CSMD2: variants seen among roughly 807,000 people sequenced by gnomAD.
CSMD2 encodes the protein CUB and Sushi multiple domains 2.
Under a neutral mutation model 398.5 loss-of-function variants are expected in CSMD2, and 130 were observed. The ratio of observed to expected loss-of-function variants is 0.33; its 90% CI spans 0.28 to 0.38. CSMD2 has a LOEUF of 0.38. CSMD2 is among the 10% of genes least tolerant of loss of function. The pLI is 1.00. For synonymous variants in CSMD2, 1,828 were observed against 1,908.5 expected, an observed-to-expected ratio of 0.96 and a Z score of 1.10; for missense variants, 3,829 against 4,764.9, an observed-to-expected ratio of 0.80 and a Z score of 5.78.
At position 33,635,978 on chromosome 1, in the gene CSMD2, C is replaced by A. The variant is rs1385405700; in HGVS notation, c.4969+382G>T. 2.0e-5 allele frequency among the ~76,000 whole-genome samples: 3 copies of A among 152,264 alleles called. No individual in the cohort carries two copies. Among genetic ancestry groups the A allele is most frequent in the Admixed American group, 1.3e-4 (2 of 15,302 alleles). ...CAGACCCACCTGGAATCAGCACACC[C>A]TGCGGGCCTTACTTCAACATATCTG... On this transcript the variant is annotated intron_variant, in intron 30 of 70. Transcript: ENST00000373381. The surrounding 1 kb of genome is among the most constrained non-coding windows in gnomAD (Gnocchi z 5.0).
intron 1 of CSMD2, among the ~76,000 whole-genome samples, chr1:34,098,599 G>A (rs929516464): frequency 3.9e-5 from 6 of 151,908 alleles, no homozygotes; most frequent in African/African-American, 1.2e-4. Flanking sequence ...GGTAGGACAT[G>A]AAATGGTATT....
chr1:33,630,065 T>TCTTCCTTCCTTCCTTC (rs562242200), intron 32 of CSMD2, among the ~76,000 whole-genome samples: 3 of 151,030 alleles, frequency 2.0e-5, no homozygotes, highest in African/African-American at 7.3e-5. Flanking sequence ...TCCCCCATCT[T>TCTTCCTTCCTTCCTTC]CTTCCTTCCT....
Position 33,550,248 on chromosome 1 carries a change from G to A in CSMD2, c.8846C>T (p.Thr2949Ile), listed in dbSNP as rs764723077. Residue 2949 changes from threonine to isoleucine, a missense_variant, in exon 56 of 71, where the codon ACT (threonine) becomes ATT (isoleucine). Physicochemically the swap from Thr to Ile is moderately conservative, Grantham distance 89 (BLOSUM62 -1). Coordinates refer to ENST00000373381, the MANE Select transcript of CSMD2 (RefSeq NM_001281956.2). Reference sequence around the variant, plus strand: ...CATGCGGGTGCTGTTTCCCACCAGAGTACGCTTGCCGATGCAGCTGTACCG... The same window carrying A: ...CATGCGGGTGCTGTTTCCCACCAGAATACGCTTGCCGATGCAGCTGTACCG... ...VVRYSCIGKR[T>I]LVGNSTRMCG... is the part of the protein sequence containing the mutation. The A allele has an allele frequency of 2.5e-6, 4 of 1,614,212 alleles. No individual in the cohort carries two copies. Among genetic ancestry groups the A allele is most frequent in the Non-Finnish European group, 3.4e-6 (4 of 1,180,048 alleles).
Position 33,580,937 on chromosome 1 carries a change from G to A in CSMD2, c.7241-38C>T, listed in dbSNP as rs199791115. ...GGACGCAGGATTACAGACCATGGGA[G>A]CCATCACAGGGAGCCTCCAGGGAAG... On this transcript the variant is annotated intron_variant, in intron 47 of 70. Coordinates refer to ENST00000373381, the MANE Select transcript of CSMD2 (RefSeq NM_001281956.2). 116 of 1,607,852 alleles carry A rather than the reference G, an allele frequency of 7.2e-5. No homozygotes were observed. In the East Asian group the frequency reaches 1.6e-3, roughly 22 times the overall value.
chr1:33,986,697 C>T (rs962111443), intron 3 of CSMD2, among the ~76,000 whole-genome samples: 2 of 152,200 alleles, frequency 1.3e-5, no homozygotes, highest in East Asian at 3.9e-4. Context: ...GCTTCAACCC[C>T]AAGCTGCCAC....
intron 5 of CSMD2, among the ~76,000 whole-genome samples, chr1:33,851,985 C>A (rs1443695958): frequency 6.6e-6 from 1 of 152,050 alleles, no homozygotes; most frequent in Non-Finnish European, 1.5e-5. Context: ...AAGATCTGAG[C>A]CAGCCTTTAA....
chr1:33,837,576 C>T (rs1246989433), intron 6 of CSMD2, among the ~76,000 whole-genome samples: 2 of 152,216 alleles, frequency 1.3e-5, no homozygotes, highest in African/African-American at 4.8e-5. Flanking sequence ...TGGGCTGCTT[C>T]TCGTACTGTG....
At chr1:34,157,171 T>C (rs984274559) in intron 1 of CSMD2, among the ~76,000 whole-genome samples, 4 of 152,162 alleles carry the variant, frequency 2.6e-5, no homozygotes, top group African/African-American at 4.8e-5. Flanking sequence ...GCCTCCAGCA[T>C]TTTAGGATTC....
At chr1:34,064,950 G>A (rs955987126) in intron 2 of CSMD2, among the ~76,000 whole-genome samples, 3 of 152,262 alleles carry the variant, frequency 2.0e-5, no homozygotes, top group Non-Finnish European at 2.9e-5. Context: ...ATCAGATCTC[G>A]TGAGACTTAT....
chr1:34,046,711 A>G (rs1030568135), intron 2 of CSMD2, among the ~76,000 whole-genome samples: 3 of 152,194 alleles, frequency 2.0e-5, no homozygotes, highest in Non-Finnish European at 4.4e-5. Flanking sequence ...ACCGGTAACA[A>G]TTACAAATTT....
intron 5 of CSMD2, among the ~76,000 whole-genome samples, chr1:33,910,032 C>G (rs905290337): frequency 2.6e-5 from 4 of 152,178 alleles, no homozygotes; most frequent in Non-Finnish European, 5.9e-5. Context: ...ATCAGCCCCT[C>G]CTCCTCTCTA....
chr1:33,928,015 G>A (rs921438314), intron 4 of CSMD2, among the ~76,000 whole-genome samples: 25 of 152,212 alleles, frequency 1.6e-4, no homozygotes, highest in Non-Finnish European at 2.4e-4. Flanking sequence ...GCCAGTCCCT[G>A]ACTGGTGGAG....
chr1:33,730,934 G>A (rs1646697139), intron 15 of CSMD2, among the ~76,000 whole-genome samples: 1 of 152,144 alleles, frequency 6.6e-6, no homozygotes, highest in Non-Finnish European at 1.5e-5. Context: ...AGTACCCCTA[G>A]TGCCCAAATT....
At chr1:33,618,655 A>C (rs1014720130) in intron 37 of CSMD2, among the ~76,000 whole-genome samples, 2 of 151,932 alleles carry the variant, frequency 1.3e-5, no homozygotes, top group Non-Finnish European at 1.5e-5. Context: ...CCTTTCTGCC[A>C]GTCCATACCA....
intron 44 of CSMD2, chr1:33,600,591 G>C (rs1221978652): frequency 1.8e-6 from 1 of 546,912 alleles, no homozygotes; most frequent in Non-Finnish European, 3.2e-6. Context: ...GAGTTGATGT[G>C]AATGAGTGGA....
At chr1:34,088,798 A>T (rs1034032142) in intron 2 of CSMD2, among the ~76,000 whole-genome samples, 179 bp downstream of exon 2, 13 of 152,130 alleles carry the variant, frequency 8.5e-5, no homozygotes, top group Non-Finnish European at 1.3e-4. Context: ...AATCCTCCCA[A>T]CCGGAAACCT....
chr1:34,052,708 T>C (rs1653351939), intron 2 of CSMD2, among the ~76,000 whole-genome samples: 1 of 152,196 alleles, frequency 6.6e-6, no homozygotes, highest in South Asian at 2.1e-4. Context: ...GTGTCCATCA[T>C]GCTTACTCTA....
intron 12 of CSMD2, among the ~76,000 whole-genome samples, chr1:33,780,607 A>G (rs1652614779): frequency 6.6e-6 from 1 of 152,224 alleles, no homozygotes; most frequent in Non-Finnish European, 1.5e-5. Flanking sequence ...TGCAAAAGCT[A>G]TGTATTTAGA....
chr1:34,088,895 T>C (rs1658225549), intron 2 of CSMD2, 82 bp downstream of exon 2: 1 of 1,181,756 alleles, frequency 8.5e-7, no homozygotes, highest in Non-Finnish European at 1.3e-6. Context: ...CCATAAACTT[T>C]TCACTCGAGA....
Sources: allele counts gnomAD v4.1 joint callset (sites outside exome capture counted in the v4.1 genomes callset), GRCh38; gene constraint gnomAD v4.1.1; non-coding constraint Gnocchi (gnomAD v3.1); transcripts MANE v1.5; gene names NCBI Gene and HGNC (gene_info 2026-07-23, HGNC 2026-07-21).